IL20RB: variants seen among roughly 807,000 people sequenced by gnomAD.
IL20RB encodes the protein interleukin 20 receptor subunit beta.
A neutral mutation model predicts 33.3 loss-of-function variants in IL20RB; 21 were observed. The observed-to-expected ratio is 0.63, with a 90% confidence interval of 0.45 to 0.91. The LOEUF (loss-of-function observed/expected upper bound fraction) is 0.91, where lower values mean the gene tolerates loss of function less well. IL20RB is among the 40% of genes least tolerant of loss of function. The probability of loss-of-function intolerance (pLI) is 0.00; values close to 1 mark genes in which losing one functional copy is unlikely to be tolerated. For synonymous variants in IL20RB, 147 were observed against 146.8 expected, an observed-to-expected ratio of 1.00 and a Z score of -0.01; for missense variants, 345 against 384.8, an observed-to-expected ratio of 0.90 and a Z score of 0.86.
chr3:137,003,811 G>T (rs1345233840), intron 6 of IL20RB, among the ~76,000 whole-genome samples: 1 of 152,208 alleles, frequency 6.6e-6, no homozygotes, highest in African/African-American at 2.4e-5. Context: ...ATGTTGAATA[G>T]GAGTGGTGAG....
rs1941742497 is a variant in IL20RB at position 136,980,463 on chromosome 3, T to C, written c.89-3T>C. On this transcript the variant is annotated splice_polypyrimidine_tract_variant and splice_region_variant and intron_variant, in intron 1 of 6. Transcript: ENST00000329582. ...TCAGCCAGGCTATCTGCCTTGATCCTAGATGAAGTGGCCATTCTGCCTGCC... is the reference window on the plus strand; with the variant it reads ...TCAGCCAGGCTATCTGCCTTGATCCCAGATGAAGTGGCCATTCTGCCTGCC... 1 of 1,614,094 alleles carries C rather than the reference T, an allele frequency of 6.2e-7. No homozygotes were observed. Among genetic ancestry groups the C allele is most frequent in the Non-Finnish European group, 8.5e-7 (1 of 1,180,042 alleles).
intron 1 of IL20RB, among the ~76,000 whole-genome samples, chr3:136,973,673 A>G (rs1654924): frequency 0.58 from 88,782 of 151,848 alleles, 26,583 homozygotes; most frequent in East Asian, 0.9. Flanking sequence ...AAAGTCCCCC[A>G]TCCCCAGTCA....
chr3:136,978,922 T>C (rs921072088), intron 1 of IL20RB, among the ~76,000 whole-genome samples: 1 of 152,160 alleles, frequency 6.6e-6, no homozygotes, highest in African/African-American at 2.4e-5. Flanking sequence ...TTTGAGAGCT[T>C]TAAAGTTATA....
intron 6 of IL20RB, among the ~76,000 whole-genome samples, chr3:137,008,747 AT>A (rs1933003069): frequency 6.6e-6 from 1 of 152,220 alleles, no homozygotes; most frequent in Middle Eastern, 3.2e-3. Flanking sequence ...AAACAAGAAT[AT>A]AAAATATTTC....
chr3:136,995,240 T>TCCA, intron 5 of IL20RB, among the ~76,000 whole-genome samples, 174 bp from the exon 6 acceptor site: 1 of 152,306 alleles, frequency 6.6e-6, no homozygotes, highest in African/African-American at 2.4e-5. Context: ...TCTAGAAAAA[T>TCCA]GCTTTTAATG....
intron 3 of IL20RB, among the ~76,000 whole-genome samples, chr3:136,983,690 G>T (rs1376942624): frequency 6.6e-6 from 1 of 152,198 alleles, no homozygotes; most frequent in Non-Finnish European, 1.5e-5. Context: ...GAAACAACTG[G>T]TCTTGAAGAA....
intron 3 of IL20RB, among the ~76,000 whole-genome samples, chr3:136,988,504 T>G (rs913997839): frequency 1.6e-4 from 24 of 152,050 alleles, no homozygotes. Flanking sequence ...CTTTGGGAGC[T>G]CGAGGTGGGC....
chr3:136,961,579 A>G (rs1282627212), intron 1 of IL20RB, among the ~76,000 whole-genome samples: 1 of 152,076 alleles, frequency 6.6e-6, no homozygotes, highest in Non-Finnish European at 1.5e-5. Flanking sequence ...GTGGTAAGTA[A>G]TGAAGTGATT....
chr3:137,006,168 C>T (rs1471111605), intron 6 of IL20RB, among the ~76,000 whole-genome samples: 1 of 152,222 alleles, frequency 6.6e-6, no homozygotes, highest in Non-Finnish European at 1.5e-5. Context: ...TTGTGGGTAA[C>T]TTGACCTTTC....
At position 136,995,552 on chromosome 3, in the gene IL20RB, C is replaced by T. The variant is rs775742103; in HGVS notation, c.821C>T (p.Thr274Ile). 2 of 1,614,104 alleles carry T rather than the reference C, an allele frequency of 1.2e-6. No homozygotes were observed. Among genetic ancestry groups the T allele is most frequent in the Non-Finnish European group, 1.7e-6 (2 of 1,180,020 alleles). Reference sequence around the variant, plus strand: ...TGCCCCGTGGTGGTCCTCCCAGACACCTTGGTAATAGAGTAGTTCTTTATT... The same window carrying T: ...TGCCCCGTGGTGGTCCTCCCAGACATCTTGGTAATAGAGTAGTTCTTTATT... The part of the protein sequence containing the change: ...SCCPVVVLPD[T>I]LKITNSPQKL... The change falls in exon 6 of 7, where the codon ACC (threonine) becomes ATC (isoleucine). Residue 274 changes from threonine (T) to isoleucine (I), a missense_variant. Coordinates refer to ENST00000329582, the MANE Select transcript of IL20RB (RefSeq NM_144717.4).
chr3:137,004,557 G>A (rs1432035823), intron 6 of IL20RB, among the ~76,000 whole-genome samples: 1 of 152,180 alleles, frequency 6.6e-6, no homozygotes, highest in Non-Finnish European at 1.5e-5. Flanking sequence ...TTGCGTAGAG[G>A]TGTTTATAGT....
In IL20RB at chr3:137,010,411, G is replaced by A; in HGVS notation, c.*188G>A. 1.9e-6 allele frequency: 1 copy of A among 526,538 alleles called. No individual in the cohort carries two copies. The highest frequency in any genetic ancestry group is 3.1e-5 in the East Asian group (1 of 32,606). The allele number at this position is 526,538 out of a possible 1,614,324, so 32.6% of individuals were successfully genotyped here. A position where few individuals can be genotyped will look rare whatever the true frequency, so the allele number is the denominator to read the frequency against. ...TTTGTCTAACAGAACACTGACTGAGGCTTAGGGGATGTGACCTCTAGACTG... is the reference window on the plus strand; with the variant it reads ...TTTGTCTAACAGAACACTGACTGAGACTTAGGGGATGTGACCTCTAGACTG... On this transcript the variant is annotated 3_prime_UTR_variant, in exon 7 of 7. Coordinates refer to ENST00000329582, the MANE Select transcript of IL20RB (RefSeq NM_144717.4).
At chr3:136,974,410 T>C (rs1171504233) in intron 1 of IL20RB, among the ~76,000 whole-genome samples, 2 of 152,334 alleles carry the variant, frequency 1.3e-5, no homozygotes, top group East Asian at 1.9e-4. Flanking sequence ...TTGCCAGATG[T>C]AATAGTCTTG....
intron 1 of IL20RB, among the ~76,000 whole-genome samples, chr3:136,972,023 G>A (rs921331172): frequency 5.3e-5 from 8 of 152,062 alleles, no homozygotes; most frequent in African/African-American, 1.9e-4. Flanking sequence ...TTTAGTAATA[G>A]CCATTCTGAC....
At chr3:137,006,169 T>C (rs906309523) in intron 6 of IL20RB, among the ~76,000 whole-genome samples, 2 of 152,204 alleles carry the variant, frequency 1.3e-5, no homozygotes, top group African/African-American at 4.8e-5. Context: ...TGTGGGTAAC[T>C]TGACCTTTCT....
At chr3:137,005,914 C>T (rs887739844) in intron 6 of IL20RB, among the ~76,000 whole-genome samples, 9 of 152,290 alleles carry the variant, frequency 5.9e-5, no homozygotes, top group East Asian at 1.9e-4. Flanking sequence ...GGTTGTTCAT[C>T]TCCATGTTTA....
chr3:136,984,640 T>G (rs376794601), intron 3 of IL20RB, among the ~76,000 whole-genome samples: 26 of 151,558 alleles, frequency 1.7e-4, no homozygotes, highest in Middle Eastern at 3.4e-3. Flanking sequence ...GAGCCCAAGC[T>G]GAAGAGCAGA....
chr3:136,988,593 A>G (rs1005973849), intron 3 of IL20RB, among the ~76,000 whole-genome samples: 1 of 152,030 alleles, frequency 6.6e-6, no homozygotes. Flanking sequence ...TACAAAAAAC[A>G]TTAGCTGAGT....
At chr3:136,978,852 T>C (rs771961999) in intron 1 of IL20RB, among the ~76,000 whole-genome samples, 1 of 152,218 alleles carries the variant, frequency 6.6e-6, no homozygotes, top group Non-Finnish European at 1.5e-5. Context: ...GTTGATGTTG[T>C]CATCTTTAAA....
Sources: gnomAD v4.1 joint callset for allele counts (sites outside exome capture counted in the v4.1 genomes callset) on GRCh38, gnomAD v4.1.1 for gene constraint, MANE v1.5 for transcripts, NCBI Gene and HGNC (gene_info 2026-07-23, HGNC 2026-07-21) for gene names.